The following AGRN variants were observed in gnomAD, a reference collection of about 807,000 sequenced individuals.
AGRN encodes the protein agrin proteoglycan.
AGRN carries 106 observed loss-of-function variants against 211.0 expected under a neutral mutation model. That is an observed-to-expected ratio of 0.50 (90% confidence interval 0.43 to 0.59). AGRN has a LOEUF of 0.59. Among genes scored for constraint, AGRN ranks in the 20% least tolerant of loss-of-function variants. The pLI, the probability that AGRN is intolerant of heterozygous loss-of-function variation, is 0.00. For missense variants in AGRN, 3,040 were observed against 2,982.6 expected (o/e 1.02, Z -0.45); for synonymous variants, 1,525 against 1,332.5 (o/e 1.14, Z -3.15).
In AGRN at chr1:1,050,067, G is replaced by T. The variant is rs769247508; in HGVS notation, c.4879+30G>T. 21,690 of 1,249,112 alleles carry T rather than the reference G, an allele frequency of 0.017. 2,045 individuals are homozygous for T. In the East Asian group the frequency reaches 0.28, roughly 16 times the overall value. 77.4% of individuals were successfully genotyped at this position (1,249,112 alleles called of 1,614,324 possible). A position where few individuals can be genotyped will look rare whatever the true frequency, so the allele number is the denominator to read the frequency against. ...GGGGCGTGGGGCTCTCGGGGCAGGG[G>T]GGGGGGGGGGGTTGAACGTTTGGGC... On this transcript the variant is annotated intron_variant, in intron 27 of 35. Coordinates refer to ENST00000379370, the MANE Select transcript of AGRN (RefSeq NM_198576.4).
intron 3 of AGRN, among the ~76,000 whole-genome samples, chr1:1,039,868 G>A (rs1185445436): frequency 6.6e-6 from 1 of 152,144 alleles, no homozygotes; most frequent in African/African-American, 2.4e-5. Context: ...AGCGATGGGA[G>A]GCTGCAGAAG....
At position 1,043,274 on chromosome 1, in the gene AGRN, G is replaced by A; in HGVS notation, c.1420G>A (p.Ala474Thr). ...APSPCLGVQC[A>T]FGATCAVKNG... is the part of the protein sequence containing the mutation. The stretch of plus-strand genomic sequence containing the variant: ...GTCCCCATGCCTCGGGGTGCAGTGT[G>A]CATTTGGGGCGACGTGTGCTGTGAA... The change falls in exon 8 of 36, where the codon GCA becomes ACA. Residue 474 changes from alanine to threonine, a missense_variant. Transcript: ENST00000379370. 1.2e-6 allele frequency: 2 copies of A among 1,611,368 alleles called. No individual in the cohort carries two copies. The highest frequency in any genetic ancestry group is 2.2e-5 in the South Asian group (2 of 90,486).
At chr1:1,047,183 C>T (rs571965514) in intron 19 of AGRN, 144 bp from the exon 20 acceptor site, 11 of 1,411,534 alleles carry the variant, frequency 7.8e-6, no homozygotes, top group East Asian at 7.3e-5. Flanking sequence ...CCAGCCCCAC[C>T]CTGGGGTCCC....
intron 2 of AGRN, among the ~76,000 whole-genome samples, chr1:1,030,600 TCAG>T: frequency 2.6e-5 from 1 of 38,260 alleles, no homozygotes; most frequent in Non-Finnish European, 4.9e-5. Flanking sequence ...TGCTGTGAGA[TCAG>T]CGTGTGTGTG....
rs959503686 is a variant in AGRN, at chr1:1,034,597, T to G, written c.464-680T>G. On this transcript the variant is annotated intron_variant, in intron 2 of 35. Coordinates refer to ENST00000379370, the MANE Select transcript of AGRN (RefSeq NM_198576.4). ...TGGCGCGGGACACCCGGCAGCCGCC[T>G]GGCGCCTCCCTGCTGGTGCGAGGCT... The G allele has an allele frequency of 2.0e-5, 20 of 986,296 alleles. No individual in the cohort carries two copies. In the Middle Eastern group the frequency reaches 2.1e-3, roughly 103 times the overall value. The allele number at this position is 986,296 out of a possible 1,614,324, so 61.1% of individuals were successfully genotyped here.
chr1:1,024,308 C>T (rs990539131), intron 2 of AGRN, among the ~76,000 whole-genome samples: 7 of 152,030 alleles, frequency 4.6e-5, no homozygotes, highest in African/African-American at 1.7e-4. Flanking sequence ...CCTCCCCTCA[C>T]ACTGGGTGGT....
At chr1:1,025,930 G>C (rs889037592) in intron 2 of AGRN, among the ~76,000 whole-genome samples, 1 of 152,286 alleles carries the variant, frequency 6.6e-6, no homozygotes, top group South Asian at 2.1e-4. Context: ...TCCCGCCTGC[G>C]TGAATGGACT....
At position 1,049,335 on chromosome 1, in the gene AGRN, C is replaced by T. The variant is rs755337551; in HGVS notation, c.4398C>T (p.Gly1466=). The T allele has an allele frequency of 3.8e-6, 6 of 1,598,160 alleles. No homozygotes were observed. In the Admixed American group the frequency reaches 1.0e-4, roughly 27 times the overall value. The change falls in exon 25 of 36, where the codon GGC becomes GGT. Residue 1466 remains glycine, a synonymous_variant. Coordinates refer to ENST00000379370, the MANE Select transcript of AGRN (RefSeq NM_198576.4). ...RLELSRHWRR[G]TLSVDGETPV... is the part of the protein sequence containing the mutation. ...AGCTGTCCCGGCACTGGCGCCGGGG[C>T]ACCCTCTCGGTGGATGGTGAGACCC...
Position 1,046,052 on chromosome 1 carries a change from C to T in AGRN, c.2769C>T (p.Cys923=). The T allele has an allele frequency of 6.2e-7, 1 of 1,614,054 alleles. No individual in the cohort carries two copies. Among genetic ancestry groups the T allele is most frequent in the Non-Finnish European group, 8.5e-7 (1 of 1,180,026 alleles). The change falls in exon 16 of 36, where the codon TGC becomes TGT. Residue 923 remains cysteine, a synonymous_variant. Coordinates refer to ENST00000379370, the MANE Select transcript of AGRN (RefSeq NM_198576.4). ...VEESGSAHCV[C]PMLTCPEANA... ...AGTCTGGCTCAGCCCACTGTGTCTGCCCGATGCTCACCTGTCCAGAGGCCA... is the reference window on the plus strand; with the variant it reads ...AGTCTGGCTCAGCCCACTGTGTCTGTCCGATGCTCACCTGTCCAGAGGCCA...
intron 33 of AGRN, chr1:1,052,702 ATG>A (rs1206433227): frequency 4.1e-5 from 6 of 145,640 alleles, no homozygotes; most frequent in Non-Finnish European, 8.4e-5. Context: ...GGGTCCATGT[ATG>A]TGTGTGTATA....
chr1:1,021,924 A>G (rs1239313599), intron 1 of AGRN, among the ~76,000 whole-genome samples: 2 of 152,186 alleles, frequency 1.3e-5, no homozygotes, highest in Non-Finnish European at 2.9e-5. Flanking sequence ...GCCTTAGCTG[A>G]TAGGGACGTT....
chr1:1,049,856 C>A (rs772356272), intron 26 of AGRN, 47 bp from the exon 27 acceptor site: 22 of 1,611,502 alleles, frequency 1.4e-5, no homozygotes, highest in Non-Finnish European at 1.7e-5. Context: ...GGTACCCAAC[C>A]GACGCCTCCT....
rs892042657 is a variant in AGRN, at chr1:1,025,223, G to A, written c.463+2761G>A. ...GGGCCAGGGTCAGAGTGAGTCTGGC[G>A]CCTTCCCAGCCCGGCCCTGCCCAGC... On this transcript the variant is annotated intron_variant, in intron 2 of 35. Transcript: ENST00000379370. 5.9e-5 allele frequency among the ~76,000 whole-genome samples: 9 copies of A among 152,134 alleles called. No individual in the cohort carries two copies. In the South Asian group the frequency reaches 1.7e-3, roughly 28 times the overall value.
Position 1,020,163 on chromosome 1 carries a change from C to A in AGRN, c.-10C>A. 1 of 1,316,890 alleles carries A rather than the reference C, an allele frequency of 7.6e-7. No homozygotes were observed. Among genetic ancestry groups the A allele is most frequent in the South Asian group, 1.8e-5 (1 of 54,204 alleles). 81.6% of individuals were successfully genotyped at this position (1,316,890 alleles called of 1,614,324 possible). A position where few individuals can be genotyped will look rare whatever the true frequency, so the allele number is the denominator to read the frequency against. ...GCCCGCGCGCTCCTCCGCCGCCTCT[C>A]GCCTGCGCCATGGCCGGCCGGTCCC... On this transcript the variant is annotated 5_prime_UTR_variant, in exon 1 of 36. Transcript: ENST00000379370.
Position 1,032,054 on chromosome 1 carries a change from G to T in AGRN, c.464-3223G>T, listed in dbSNP as rs1644687308. Among the ~76,000 whole-genome samples, 1 of 152,240 alleles carries T rather than the reference G, an allele frequency of 6.6e-6. No homozygotes were observed. The highest frequency in any genetic ancestry group is 2.1e-4 in the South Asian group (1 of 4,834). ...AGTCAGCACCGCCGGAACACTGTCAGCCTGGTGTGGACAGTGCCAAGGTCC... is the reference window on the plus strand; with the variant it reads ...AGTCAGCACCGCCGGAACACTGTCATCCTGGTGTGGACAGTGCCAAGGTCC... On this transcript the variant is annotated intron_variant, in intron 2 of 35. Transcript: ENST00000379370. The surrounding 1 kb of genome is among the most constrained non-coding windows in gnomAD (Gnocchi z 4.7).
At position 1,048,048 on chromosome 1, in the gene AGRN, G is replaced by T. The variant is rs768310078; in HGVS notation, c.3788G>T (p.Gly1263Val). ...GCGTTTATCACGGGGGCCACGTCAG[G>T]AGCCATTGCTGCGGGAGCCACGGCC... ...FPAFITGATSGAIAAGATARA... is the reference protein window; with the variant it reads ...FPAFITGATSVAIAAGATARA... The change falls in exon 23 of 36, where the codon GGA becomes GTA. Residue 1263 changes from glycine (G) to valine (V), a missense_variant. By Grantham distance (109) the Gly-to-Val change is moderately radical. Coordinates refer to ENST00000379370, the MANE Select transcript of AGRN (RefSeq NM_198576.4). The surrounding 1 kb of genome is among the most constrained non-coding windows in gnomAD (Gnocchi z 5.9). 6.9e-6 allele frequency: 11 copies of T among 1,586,390 alleles called. No individual in the cohort carries two copies.
Position 1,046,048 on chromosome 1 carries a change from TCTG to T in AGRN, c.2767_2769del (p.Cys923del). 2 of 1,614,030 alleles carry T rather than the reference TCTG, an allele frequency of 1.2e-6. No homozygotes were observed. The highest frequency in any genetic ancestry group is 1.7e-6 in the Non-Finnish European group (2 of 1,180,000). ...GAGGAGTCTGGCTCAGCCCACTGTGTCTGCCCGATGCTCACCTGTCCAGAGGCC... is the reference window on the plus strand; with the variant it reads ...GAGGAGTCTGGCTCAGCCCACTGTGTCCCGATGCTCACCTGTCCAGAGGCC... On this transcript the variant is annotated inframe_deletion, in exon 16 of 36. Coordinates refer to ENST00000379370, the MANE Select transcript of AGRN (RefSeq NM_198576.4).
At chr1:1,050,639 G>T in intron 29 of AGRN, 48 bp downstream of exon 29, 1 of 1,603,894 alleles carries the variant, frequency 6.2e-7, no homozygotes. Context: ...CTGGCCCGGG[G>T]CCGGGGCACC....
intron 9 of AGRN, 30 bp from the exon 10 acceptor site, chr1:1,043,793 C>T (rs1388564324): frequency 1.2e-6 from 2 of 1,607,920 alleles, no homozygotes; most frequent in South Asian, 1.1e-5. Flanking sequence ...CCTGGGCCTG[C>T]CGACCCCTGC....
Sources: gnomAD v4.1 joint callset for allele counts (sites outside exome capture counted in the v4.1 genomes callset) on GRCh38, gnomAD v4.1.1 for gene constraint, Gnocchi (gnomAD v3.1) non-coding constraint, MANE v1.5 for transcripts, NCBI Gene and HGNC (gene_info 2026-07-23, HGNC 2026-07-21) for gene names.